RORA: variants seen among roughly 807,000 people sequenced by gnomAD.
RORA encodes nuclear receptor ROR-alpha.
In RORA, 7 loss-of-function variants were observed where a neutral mutation model predicts 69.5. The observed-to-expected ratio is 0.10, with a 90% CI of 0.06 to 0.19. The LOEUF is 0.19. RORA is among the 10% of genes least tolerant of loss of function. The pLI, the probability that RORA is intolerant of heterozygous loss-of-function variation, is 1.00. For missense variants in RORA, 457 were observed against 663.0 expected, an observed-to-expected ratio of 0.69 and a Z score of 3.41; for synonymous variants, 261 against 240.8, an observed-to-expected ratio of 1.08 and a Z score of -0.78.
intron 2 of RORA, among the ~76,000 whole-genome samples, chr15:60,620,048 TCTCA>T (rs1482741460): frequency 2.0e-5 from 3 of 152,228 alleles, no homozygotes; most frequent in African/African-American, 7.2e-5. Flanking sequence ...GGTCAGCATC[TCTCA>T]CTATCTCCTT....
At chr15:60,909,988 A>G (rs988004943) in intron 1 of RORA, among the ~76,000 whole-genome samples, 1 of 152,228 alleles carries the variant, frequency 6.6e-6, no homozygotes, top group African/African-American at 2.4e-5. Flanking sequence ...ATTCCTGCAG[A>G]AAAATCTATA....
In RORA at chr15:60,766,226, T is replaced by C. The variant is rs944074082; in HGVS notation, c.167-87540A>G. ...TTATATGGAATTGTGTGTGAGCCTG[T>C]GAGCCTGCGAGCCTGTGTCTGTATC... On this transcript the variant is annotated intron_variant, in intron 1 of 10. Coordinates refer to ENST00000335670, the MANE Select transcript of RORA (RefSeq NM_134261.3). Among the ~76,000 whole-genome samples, 6 of 152,280 alleles carry C rather than the reference T, an allele frequency of 3.9e-5. No individual in the cohort carries two copies. In the East Asian group the frequency reaches 5.8e-4, roughly 15 times the overall value.
intron 1 of RORA, among the ~76,000 whole-genome samples, chr15:61,137,753 T>C (rs1456050820): frequency 1.3e-5 from 2 of 152,208 alleles, no homozygotes; most frequent in Middle Eastern, 3.2e-3. Context: ...TTAACAGTAA[T>C]GGAGGGCTAT....
intron 1 of RORA, among the ~76,000 whole-genome samples, chr15:60,816,734 T>TA (rs914977761): frequency 2.3e-5 from 3 of 129,482 alleles, no homozygotes; most frequent in Non-Finnish European, 4.8e-5. Flanking sequence ...TAAAGTATAA[T>TA]AAAAAAAATA....
chr15:60,802,140 G>A (rs1044674813), intron 1 of RORA, among the ~76,000 whole-genome samples: 3 of 152,150 alleles, frequency 2.0e-5, no homozygotes, highest in African/African-American at 7.2e-5. Context: ...AGATTTGAGA[G>A]AACACAAGTG....
chr15:60,987,451 A>T (rs1289517936), intron 1 of RORA, among the ~76,000 whole-genome samples: 1 of 152,210 alleles, frequency 6.6e-6, no homozygotes, highest in East Asian at 1.9e-4. Flanking sequence ...AACCTCTCTG[A>T]ATCACAGATT....
In RORA at chr15:60,671,067, G is replaced by GATAT. The variant is rs10577286; in HGVS notation, c.196+7586_196+7589dup. ...TCTTATATCTCCTATATATCCCATT[G>GATAT]ATATATATATATATATATATATATA... On this transcript the variant is annotated intron_variant, in intron 2 of 10. Coordinates refer to ENST00000335670, the MANE Select transcript of RORA (RefSeq NM_134261.3). 2.3e-3 allele frequency among the ~76,000 whole-genome samples: 285 copies of GATAT among 122,202 alleles called. 13 individuals carry two copies. Among genetic ancestry groups the GATAT allele is most frequent in the African/African-American group, 6.7e-3 (164 of 24,586 alleles). The allele number at this position is 122,202 out of a possible 152,430, so 80.2% of individuals were successfully genotyped here.
intron 1 of RORA, among the ~76,000 whole-genome samples, chr15:61,119,080 A>AGG (rs142973375): frequency 2.2e-4 from 1 of 4,588 alleles, no homozygotes; most frequent in African/African-American, 4.2e-4. Flanking sequence ...CAGTTAACAG[A>AGG]AGGGGGGGGG....
intron 1 of RORA, among the ~76,000 whole-genome samples, chr15:60,826,723 G>T (rs2072964025): frequency 6.7e-6 from 1 of 148,758 alleles, no homozygotes; most frequent in Admixed American, 6.7e-5. Flanking sequence ...TCCTGGCCTG[G>T]GGACATTATT....
At chr15:60,555,510 C>T (rs553039819) in intron 2 of RORA, among the ~76,000 whole-genome samples, 1 of 152,162 alleles carries the variant, frequency 6.6e-6, no homozygotes, top group Non-Finnish European at 1.5e-5. Context: ...CACTTGCCAA[C>T]GTCTACCCTG....
chr15:60,947,912 G>C (rs945730606), intron 1 of RORA, among the ~76,000 whole-genome samples: 1 of 152,136 alleles, frequency 6.6e-6, no homozygotes, highest in Non-Finnish European at 1.5e-5. Context: ...CTATTTGTGG[G>C]CATCAGAAGT....
chr15:61,172,795 T>C (rs1329976811), intron 1 of RORA, among the ~76,000 whole-genome samples: 1 of 152,138 alleles, frequency 6.6e-6, no homozygotes, highest in Non-Finnish European at 1.5e-5. Context: ...GAGGCAGAGC[T>C]TAAGTCTAAG....
chr15:60,513,844 G>T (rs543470680), intron 4 of RORA, among the ~76,000 whole-genome samples: 1 of 152,338 alleles, frequency 6.6e-6, no homozygotes, highest in South Asian at 2.1e-4. Flanking sequence ...AAATTCCACT[G>T]GAGGAGACAT....
At chr15:60,821,852 G>A (rs2072897435) in intron 1 of RORA, among the ~76,000 whole-genome samples, 1 of 152,166 alleles carries the variant, frequency 6.6e-6, no homozygotes, top group African/African-American at 2.4e-5. Flanking sequence ...TGAGGCCAAA[G>A]GGTTTAGGTA....
intron 1 of RORA, among the ~76,000 whole-genome samples, chr15:60,700,200 C>T (rs1319421249): frequency 6.6e-6 from 1 of 152,088 alleles, no homozygotes; most frequent in African/African-American, 2.4e-5. Flanking sequence ...CAATTTACCA[C>T]TCTATTCAAA....
chr15:60,855,397 A>G (rs7169550), intron 1 of RORA, among the ~76,000 whole-genome samples: 121,000 of 152,138 alleles, frequency 0.8, 48,663 homozygotes, highest in East Asian at 0.91. Flanking sequence ...ATAGCTACAC[A>G]GAGCCATGTT....
intron 2 of RORA, among the ~76,000 whole-genome samples, chr15:60,654,787 A>G (rs2070195924): frequency 6.6e-6 from 1 of 152,200 alleles, no homozygotes; most frequent in South Asian, 2.1e-4. Context: ...TACGTCGCTG[A>G]CTTTGGAGAC....
chr15:60,880,509 G>A (rs2073667306), intron 1 of RORA, among the ~76,000 whole-genome samples: 1 of 152,080 alleles, frequency 6.6e-6, no homozygotes, highest in Admixed American at 6.5e-5. Flanking sequence ...CGTGGTGGTG[G>A]GCACCTGTAA....
chr15:60,980,457 C>G (rs1295126172), intron 1 of RORA, among the ~76,000 whole-genome samples: 2 of 152,110 alleles, frequency 1.3e-5, no homozygotes, highest in African/African-American at 4.8e-5. Context: ...AGGATTGGTG[C>G]TAACTTTTCT....
Sources: allele counts gnomAD v4.1 joint callset (sites outside exome capture counted in the v4.1 genomes callset), GRCh38; gene constraint gnomAD v4.1.1; transcripts MANE v1.5; gene names NCBI Gene and HGNC (gene_info 2026-07-23, HGNC 2026-07-21).